The following SCARA3 variants were observed in gnomAD, a reference collection of about 807,000 sequenced individuals.
SCARA3 encodes scavenger receptor class A member 3, also known as cellular stress response gene protein.
In SCARA3, 39 loss-of-function variants were observed where a neutral mutation model predicts 47.0. The observed-to-expected ratio is 0.83, with a 90% confidence interval of 0.64 to 1.08. The LOEUF is 1.08. SCARA3 is among the 50% of genes least tolerant of loss of function. SCARA3 has a pLI of 0.00. For missense variants in SCARA3, 724 were observed against 792.3 expected (o/e 0.91, Z 1.04); for synonymous variants, 356 against 334.1 (o/e 1.07, Z -0.71).
intron 4 of SCARA3, among the ~76,000 whole-genome samples, chr8:27,657,252 G>C (rs758491100): frequency 1.3e-5 from 2 of 151,950 alleles, no homozygotes; most frequent in Non-Finnish European, 2.9e-5. Flanking sequence ...GCCTTAAGCT[G>C]TGCCACGATT....
rs747441602 is a variant in SCARA3, at chr8:27,671,311, C to T, written c.1781C>T (p.Pro594Leu). Residue 594 changes from proline to leucine, a missense_variant, in exon 6 of 6, where the codon CCG (proline) becomes CTG (leucine). Physicochemically the swap from Pro to Leu is moderately conservative, Grantham distance 98 (BLOSUM62 -3). Coordinates refer to ENST00000301904, the MANE Select transcript of SCARA3 (RefSeq NM_016240.3). The part of the protein sequence containing the change: ...EPGIQGPPGL[P>L]GPPGPPGSQS... ...GGGATCCAGGGTCCCCCTGGTCTCC[C>T]GGGGCCTCCAGGTCCACCAGGAAGC... 7.8e-5 allele frequency: 111 copies of T among 1,430,976 alleles called. No individual in the cohort carries two copies. Among genetic ancestry groups the T allele is most frequent in the Admixed American group, 3.8e-4 (12 of 31,284 alleles). 88.6% of individuals were successfully genotyped at this position (1,430,976 alleles called of 1,614,324 possible).
chr8:27,658,923 T>C lies in SCARA3; in HGVS notation c.753T>C (p.Ile251=). The C allele has an allele frequency of 6.2e-7, 1 of 1,614,010 alleles. No individual in the cohort carries two copies. Among genetic ancestry groups the C allele is most frequent in the Non-Finnish European group, 8.5e-7 (1 of 1,180,012 alleles). ...AGGAGACCCTGACCCTCCAGAAGAT[T>C]GTCACCGACTGGCAGAACTACACAC... ...TDEETLTLQK[I]VTDWQNYTRL... is the part of the protein sequence containing the mutation. Residue 251 remains isoleucine, a synonymous_variant, in exon 5 of 6, where the codon ATT becomes ATC. Coordinates refer to ENST00000301904, the MANE Select transcript of SCARA3 (RefSeq NM_016240.3).
At chr8:27,733,129 G>A in the SCARA3 span, among the ~76,000 whole-genome samples, 2 of 152,106 alleles carry the variant, frequency 1.3e-5, no homozygotes, top group Non-Finnish European at 2.9e-5. Flanking sequence ...GGAATTCTTG[G>A]GCGACCTTCC....
At chr8:27,718,208 G>C in the SCARA3 span, among the ~76,000 whole-genome samples, 1 of 152,230 alleles carries the variant, frequency 6.6e-6, no homozygotes, top group Non-Finnish European at 1.5e-5. Flanking sequence ...GCCCAGGCCA[G>C]AGAATTGCCC....
chr8:27,635,621 A>AT (rs10591337), intron 1 of SCARA3, among the ~76,000 whole-genome samples: 56,063 of 147,266 alleles, frequency 0.38, 12,760 homozygotes, highest in Non-Finnish European at 0.52. Context: ...CCATGCATGG[A>AT]TTTTTTTTTT....
At chr8:27,720,618 C>CTCCATCCATCCATCCATCCATCCATCCA in the SCARA3 span, among the ~76,000 whole-genome samples, 2 of 145,364 alleles carry the variant, frequency 1.4e-5, no homozygotes, top group Non-Finnish European at 3.0e-5. Flanking sequence ...TCCTTTCTAT[C>CTCCATCCATCCATCCATCCATCCATCCA]TCCATCCATC....
chr8:27,711,457 G>A, the SCARA3 span, among the ~76,000 whole-genome samples: 1 of 152,076 alleles, frequency 6.6e-6, no homozygotes, highest in African/African-American at 2.4e-5. Context: ...AACCTCAGTA[G>A]TCTTCCATAG....
downstream of SCARA3, among the ~76,000 whole-genome samples, chr8:27,675,136 G>C (rs972339817): frequency 6.6e-6 from 1 of 152,112 alleles, no homozygotes; most frequent in Non-Finnish European, 1.5e-5. Context: ...TTTCACCCTG[G>C]CGACCTCACC....
At chr8:27,709,652 G>T in the SCARA3 span, among the ~76,000 whole-genome samples, 19 of 152,184 alleles carry the variant, frequency 1.2e-4, no homozygotes, top group Admixed American at 1.1e-3. Flanking sequence ...TTGTCCTGCA[G>T]GCAGCTGCTG....
downstream of SCARA3, among the ~76,000 whole-genome samples, chr8:27,676,950 C>T (rs1310566444): frequency 6.6e-6 from 1 of 152,148 alleles, no homozygotes; most frequent in Non-Finnish European, 1.5e-5. Flanking sequence ...ATGATGGTTT[C>T]TTCTCCTTCT....
intron 1 of SCARA3, among the ~76,000 whole-genome samples, chr8:27,635,207 A>T (rs1199103209): frequency 2.6e-5 from 4 of 152,148 alleles, no homozygotes; most frequent in Admixed American, 2.6e-4. Flanking sequence ...CTCTCAGCCT[A>T]CTTCAACCAG....
At chr8:27,634,515 A>C (rs1801207021) in intron 1 of SCARA3, among the ~76,000 whole-genome samples, 3 of 152,262 alleles carry the variant, frequency 2.0e-5, no homozygotes, top group South Asian at 4.1e-4. Flanking sequence ...TAACCAGTAG[A>C]CGCAGAAAGG....
chr8:27,674,777 G>A (rs999002695), downstream of SCARA3, among the ~76,000 whole-genome samples: 22 of 134,180 alleles, frequency 1.6e-4, no homozygotes, highest in Non-Finnish European at 2.8e-4. Context: ...TCACCAGGCT[G>A]GAGTGCAGTG....
Position 27,672,147 on chromosome 8 carries a change from A to T in SCARA3, c.*796A>T. 1.0e-6 allele frequency: 1 copy of T among 985,422 alleles called. No individual in the cohort carries two copies. Among genetic ancestry groups the T allele is most frequent in the African/African-American group, 1.7e-5 (1 of 57,346 alleles). 61.0% of individuals were successfully genotyped at this position (985,422 alleles called of 1,614,324 possible). ...TACCCGGGAGCTGTCCCTGTCTGTCACAGCACAGTGGGGCCACGAGGCTGA... is the reference window on the plus strand; with the variant it reads ...TACCCGGGAGCTGTCCCTGTCTGTCTCAGCACAGTGGGGCCACGAGGCTGA... On this transcript the variant is annotated 3_prime_UTR_variant, in exon 6 of 6. Transcript: ENST00000301904.
At chr8:27,638,430 G>A (rs1043274042) in intron 1 of SCARA3, among the ~76,000 whole-genome samples, 2 of 151,888 alleles carry the variant, frequency 1.3e-5, no homozygotes, top group Non-Finnish European at 2.9e-5. Context: ...ACTCCCTGGG[G>A]TCAGTCCCCT....
In SCARA3 at chr8:27,634,067, C is replaced by A; in HGVS notation, c.-134C>A. The A allele has an allele frequency of 1.3e-6, 1 of 744,702 alleles. No homozygotes were observed. The highest frequency in any genetic ancestry group is 1.9e-6 in the Non-Finnish European group (1 of 527,934). The allele number at this position is 744,702 out of a possible 1,614,324, so 46.1% of individuals were successfully genotyped here. A position where few individuals can be genotyped will look rare whatever the true frequency, so the allele number is the denominator to read the frequency against. ...AGCCCGCGCGCCGGAGCATGAGTCC[C>A]GGCCGGAGCCCCACGGCCGCGGGCG... On this transcript the variant is annotated 5_prime_UTR_variant, in exon 1 of 6. Transcript: ENST00000301904.
chr8:27,733,052 G>A, the SCARA3 span, among the ~76,000 whole-genome samples: 1 of 152,138 alleles, frequency 6.6e-6, no homozygotes, highest in Non-Finnish European at 1.5e-5. Context: ...GGGTCAAGCT[G>A]TAAACTCCAA....
the SCARA3 span, among the ~76,000 whole-genome samples, chr8:27,684,216 A>G: frequency 2.6e-5 from 4 of 152,364 alleles, no homozygotes; most frequent in African/African-American, 9.6e-5. Context: ...CAACTTTAAA[A>G]AAAGTCATAA....
chr8:27,659,142 CA>C lies in SCARA3; in HGVS notation c.973del (p.Met325CysfsTer75). 1 of 1,614,148 alleles carries C rather than the reference CA, an allele frequency of 6.2e-7. No individual in the cohort carries two copies. Among genetic ancestry groups the C allele is most frequent in the Non-Finnish European group, 8.5e-7 (1 of 1,180,030 alleles). Reference protein sequence around the residue: ...SSFLDDHEENMHDLQYHTHYA... With the variant: ...SSFLDDHEENXHDLQYHTHYA... ...CCTTCCTGGATGACCACGAAGAGAACATGCATGATCTTCAGTACCATACCCA... is the reference window on the plus strand; with the variant it reads ...CCTTCCTGGATGACCACGAAGAGAACTGCATGATCTTCAGTACCATACCCA... On this transcript the variant is annotated frameshift_variant, in exon 5 of 6. Coordinates refer to ENST00000301904, the MANE Select transcript of SCARA3 (RefSeq NM_016240.3). LOFTEE classifies it high-confidence loss of function.
Sources: gnomAD v4.1 joint callset for allele counts (sites outside exome capture counted in the v4.1 genomes callset) on GRCh38, gnomAD v4.1.1 for gene constraint, MANE v1.5 for transcripts, NCBI Gene and HGNC (gene_info 2026-07-23, HGNC 2026-07-21) for gene names.